REC8: variants seen among roughly 807,000 people sequenced by gnomAD.
REC8 encodes the protein REC8 meiotic recombination protein.
A neutral mutation model predicts 78.3 loss-of-function variants in REC8; 42 were observed. The ratio of observed to expected loss-of-function variants is 0.54; its 90% CI spans 0.42 to 0.69. The LOEUF (loss-of-function observed/expected upper bound fraction) is 0.69. Ranked by LOEUF, REC8 falls within the 30% of genes least tolerant of loss-of-function variation. REC8 has a pLI of 0.00. For missense variants in REC8, 581 were observed against 715.8 expected (o/e 0.81, Z 2.15); for synonymous variants, 268 against 274.1 (o/e 0.98, Z 0.22).
chr14:24,179,162 G>A, intron 15 of REC8, 29 bp downstream of exon 15: 2 of 1,539,364 alleles, frequency 1.3e-6, no homozygotes. Flanking sequence ...GGCGCAGTGG[G>A]ACCACACCCT....
chr14:24,173,393 T>G lies in REC8; in HGVS notation c.444T>G (p.Ser148Arg), dbSNP rs769025639. The G allele has an allele frequency of 1.2e-6, 2 of 1,614,108 alleles. No homozygotes were observed. Among genetic ancestry groups the G allele is most frequent in the South Asian group, 1.1e-5 (1 of 91,082 alleles). Reference sequence around the variant, plus strand: ...TGTCTGTGGATCCCAGACTTCCTAGTCCTTTCGATATCCCTCAGGTAGGGC... The same window carrying G: ...TGTCTGTGGATCCCAGACTTCCTAGGCCTTTCGATATCCCTCAGGTAGGGC... ...GMMSVDPRLP[S>R]PFDIPQIRHL... Residue 148 changes from serine to arginine, a missense_variant, in exon 5 of 19, where the codon AGT becomes AGG. Coordinates refer to ENST00000611366, the MANE Select transcript of REC8 (RefSeq NM_001048205.2).
chr14:24,180,781 TCAGGG>T (rs769424439), downstream of REC8: 9 of 1,610,536 alleles, frequency 5.6e-6, no homozygotes, highest in Non-Finnish European at 7.6e-6. Flanking sequence ...AGTGGCTGAC[TCAGGG>T]CAGCAGCCCC....
Position 24,176,818 on chromosome 14 carries a change from C to G in REC8, c.545-4C>G. ...AGAGGCTAGTGACTCTCTTGTCCCT[C>G]CAGAGAGGATTCCGGTCACTGTGCT... is the stretch of plus-strand genomic sequence containing the variant. On this transcript the variant is annotated splice_polypyrimidine_tract_variant and splice_region_variant and intron_variant, in intron 6 of 18. Coordinates refer to ENST00000611366, the MANE Select transcript of REC8 (RefSeq NM_001048205.2). 1 of 1,611,800 alleles carries G rather than the reference C, an allele frequency of 6.2e-7. No homozygotes were observed. The highest frequency in any genetic ancestry group is 8.5e-7 in the Non-Finnish European group (1 of 1,178,576).
chr14:24,179,181 T>C, intron 15 of REC8, 48 bp downstream of exon 15: 1 of 1,479,022 alleles, frequency 6.8e-7, no homozygotes, highest in Non-Finnish European at 9.3e-7. Flanking sequence ...CTAACCACTG[T>C]CCCAGGAAAC....
intron 5 of REC8, among the ~76,000 whole-genome samples, chr14:24,174,076 G>T (rs577620036): frequency 6.6e-6 from 1 of 151,892 alleles, no homozygotes; most frequent in Non-Finnish European, 1.5e-5. Context: ...TGCTGGCCAG[G>T]CTGGTTTCGA....
chr14:24,176,317 A>G (rs1419683961), intron 6 of REC8, among the ~76,000 whole-genome samples: 1 of 149,638 alleles, frequency 6.7e-6, no homozygotes, highest in African/African-American at 2.5e-5. Flanking sequence ...TCAGCCTCCC[A>G]AAGTGCTGGG....
At chr14:24,176,085 G>A (rs974262534) in intron 6 of REC8, among the ~76,000 whole-genome samples, 1 of 149,996 alleles carries the variant, frequency 6.7e-6, no homozygotes, top group Non-Finnish European at 1.5e-5. Flanking sequence ...TTTTTTTTGA[G>A]AGATGGGGTA....
chr14:24,176,812 GT>G lies in REC8; in HGVS notation c.545-9del, dbSNP rs765707194. ...AAGCAGAGAGGCTAGTGACTCTCTT[GT>G]CCCTCCAGAGAGGATTCCGGTCACT... On this transcript the variant is annotated splice_polypyrimidine_tract_variant and intron_variant, in intron 6 of 18. Transcript: ENST00000611366. The G allele has an allele frequency of 2.5e-6, 4 of 1,609,610 alleles. No homozygotes were observed. The highest frequency in any genetic ancestry group is 3.4e-6 in the Non-Finnish European group (4 of 1,176,916).
At chr14:24,180,382 A>G (rs1244781024), downstream of REC8, 73 of 1,570,684 alleles carry the variant, frequency 4.6e-5, no homozygotes, top group Non-Finnish European at 2.6e-6. Flanking sequence ...AACTGGGCTG[A>G]GAGGTGGTCT....
chr14:24,174,818 C>T (rs544181520), intron 5 of REC8, among the ~76,000 whole-genome samples: 7 of 152,064 alleles, frequency 4.6e-5, no homozygotes, highest in South Asian at 2.1e-4. Flanking sequence ...CAGTCTTAGC[C>T]GGAACCAAAT....
At chr14:24,177,569 T>C in intron 10 of REC8, 28 bp downstream of exon 10, 1 of 1,601,386 alleles carries the variant, frequency 6.2e-7, no homozygotes, top group Non-Finnish European at 8.5e-7. Flanking sequence ...CCCAGGGGCT[T>C]TTCTGGGAGT....
At chr14:24,178,297 C>A in intron 12 of REC8, 75 bp downstream of exon 12, 1 of 1,336,144 alleles carries the variant, frequency 7.5e-7, no homozygotes, top group Non-Finnish European at 1.1e-6. Context: ...GCTGAGCCTT[C>A]CAAACTCCTC....
chr14:24,176,229 G>A lies in REC8; in HGVS notation c.545-593G>A, dbSNP rs553778017. 2.0e-3 allele frequency among the ~76,000 whole-genome samples: 295 copies of A among 150,304 alleles called. 1 individual carries two copies. Among genetic ancestry groups the A allele is most frequent in the Non-Finnish European group, 3.2e-3 (214 of 67,726 alleles). ...GCACCACCACGCCCAGCTAATTTTC[G>A]TATTTTTAGTAGAGATGGGTTTTTG... is the stretch of plus-strand genomic sequence containing the variant. On this transcript the variant is annotated intron_variant, in intron 6 of 18. Transcript: ENST00000611366.
intron 7 of REC8, 94 bp downstream of exon 7, chr14:24,176,995 T>C: frequency 7.4e-7 from 1 of 1,351,962 alleles, no homozygotes; most frequent in Non-Finnish European, 1.0e-6. Context: ...TCCATTTCCC[T>C]ATTCTCTGTC....
chr14:24,176,104 T>C (rs2038885242), intron 6 of REC8, among the ~76,000 whole-genome samples: 1 of 151,948 alleles, frequency 6.6e-6, no homozygotes, highest in Non-Finnish European at 1.5e-5. Flanking sequence ...TATCACTCTC[T>C]AGCCCAGGCT....
chr14:24,173,816 G>C (rs7154911), intron 5 of REC8, among the ~76,000 whole-genome samples: 44,226 of 151,974 alleles, frequency 0.29, 6,561 homozygotes, highest in East Asian at 0.43. Flanking sequence ...CAGATTACTA[G>C]CATTTGGGGC....
At chr14:24,176,301 C>T (rs1411133546) in intron 6 of REC8, among the ~76,000 whole-genome samples, 2 of 151,272 alleles carry the variant, frequency 1.3e-5, no homozygotes, top group African/African-American at 2.4e-5. Context: ...AGTTGATCCA[C>T]CCACCTCAGC....
chr14:24,173,009 G>T lies in REC8; in HGVS notation c.236G>T (p.Arg79Leu). 6.2e-7 allele frequency: 1 copy of T among 1,608,318 alleles called. No individual in the cohort carries two copies. The change falls in exon 3 of 19, where the codon CGC becomes CTC. Residue 79 changes from arginine to leucine, a missense_variant. Physicochemically the swap from Arg to Leu is moderately radical, Grantham distance 102. Coordinates refer to ENST00000611366, the MANE Select transcript of REC8 (RefSeq NM_001048205.2). ...LSAQLQIGVI[R>L]VYSQQCQYLV... ...GCCCAACTTCAGATCGGTGTGATCC[G>T]CGTCTATTCTCAACAATGCCAGTAC...
In REC8 at chr14:24,177,958, G is replaced by A. The variant is rs932663485; in HGVS notation, c.865-133G>A. 8 of 1,513,484 alleles carry A rather than the reference G, an allele frequency of 5.3e-6. No homozygotes were observed. In the African/African-American group the frequency reaches 8.4e-5, roughly 16 times the overall value. The allele number at this position is 1,513,484 out of a possible 1,614,324, so 93.8% of individuals were successfully genotyped here. Reference sequence around the variant, plus strand: ...TATGCAAGGTATGAGCTGCTCAAGTGCATGGAGACCCCGCACAAGCCCTCT... The same window carrying A: ...TATGCAAGGTATGAGCTGCTCAAGTACATGGAGACCCCGCACAAGCCCTCT... On this transcript the variant is annotated intron_variant, in intron 11 of 18. Transcript: ENST00000611366.
Sources: allele counts gnomAD v4.1 joint callset (sites outside exome capture counted in the v4.1 genomes callset), GRCh38; gene constraint gnomAD v4.1.1; transcripts MANE v1.5; gene names NCBI Gene and HGNC (gene_info 2026-07-23, HGNC 2026-07-21).